The following PICALM variants were observed in gnomAD, a reference collection of about 807,000 sequenced individuals.
PICALM encodes the protein phosphatidylinositol binding clathrin assembly protein.
Under a neutral mutation model 80.5 loss-of-function variants are expected in PICALM, and 40 were observed. The observed-to-expected ratio is 0.50, with a 90% CI of 0.39 to 0.65. The LOEUF (loss-of-function observed/expected upper bound fraction) is 0.65, where lower values mean the gene tolerates loss of function less well. PICALM is among the 30% of genes least tolerant of loss of function. The probability of loss-of-function intolerance (pLI) is 0.00; values close to 1 mark genes in which losing one functional copy is unlikely to be tolerated. For missense variants in PICALM, 676 were observed against 778.9 expected (o/e 0.87, Z 1.57); for synonymous variants, 288 against 260.3 (o/e 1.11, Z -1.02).
At chr11:86,044,343 C>G (rs777191120) in intron 1 of PICALM, among the ~76,000 whole-genome samples, 8 of 152,174 alleles carry the variant, frequency 5.3e-5, no homozygotes, top group African/African-American at 7.2e-5. Context: ...CAACTACCAC[C>G]TTCCACATAG....
chr11:85,974,378 G>C (rs1220297261), intron 19 of PICALM: 2 of 497,500 alleles, frequency 4.0e-6, no homozygotes, highest in East Asian at 1.1e-4. Context: ...AAAGCTCTGA[G>C]TTAATGGTTT....
At chr11:86,012,222 A>G in intron 6 of PICALM, 59 bp downstream of exon 6, 5 of 887,694 alleles carry the variant, frequency 5.6e-6, no homozygotes, top group Non-Finnish European at 9.0e-6. Flanking sequence ...AACTCAGTCA[A>G]TATTGTTTAT....
intron 9 of PICALM, 25 bp from the exon 10 acceptor site, chr11:86,001,183 T>C (rs758215717): frequency 3.7e-6 from 6 of 1,609,294 alleles, no homozygotes; most frequent in South Asian, 1.1e-5. Context: ...CAGAGATAAT[T>C]TGGCTTTTTG....
At chr11:86,016,043 C>A (rs780421651) in intron 4 of PICALM, among the ~76,000 whole-genome samples, 2 of 152,224 alleles carry the variant, frequency 1.3e-5, no homozygotes, top group Non-Finnish European at 2.9e-5. Context: ...CCTGTTTCCG[C>A]TCAAGTGCTA....
At chr11:86,000,967 C>T (rs2095126546) in intron 10 of PICALM, 68 bp downstream of exon 10, 2 of 1,576,642 alleles carry the variant, frequency 1.3e-6, no homozygotes, top group African/African-American at 2.7e-5. Context: ...TAAGTCTGTG[C>T]AGAGGCCCCA....
chr11:86,032,515 A>C (rs2095771989), intron 1 of PICALM, among the ~76,000 whole-genome samples: 1 of 152,102 alleles, frequency 6.6e-6, no homozygotes, highest in Non-Finnish European at 1.5e-5. Context: ...AATCCCAGCT[A>C]CTCAGGAGGC....
intron 19 of PICALM, among the ~76,000 whole-genome samples, chr11:85,969,376 G>T (rs2094021729): frequency 6.6e-6 from 1 of 152,114 alleles, no homozygotes; most frequent in South Asian, 2.1e-4. Context: ...AGAATTTTGG[G>T]AACAGCTGTA....
At chr11:86,041,629 A>C (rs1435008409) in intron 1 of PICALM, among the ~76,000 whole-genome samples, 1 of 152,232 alleles carries the variant, frequency 6.6e-6, no homozygotes, top group Non-Finnish European at 1.5e-5. Flanking sequence ...TAGCCTCTTA[A>C]GTCATGGCTG....
chr11:86,017,496 G>C lies in PICALM; in HGVS notation c.453-2533C>G, dbSNP rs143054123. Among the ~76,000 whole-genome samples, 809 of 152,156 alleles carry C rather than the reference G, an allele frequency of 5.3e-3. 11 individuals carry two copies. The highest frequency in any genetic ancestry group is 0.018 in the African/African-American group (760 of 41,502). ...AATTTATTTTCCTAATATACAAAAA[G>C]TTCATTTGTTGAGTGTTTGTTATGT... On this transcript the variant is annotated intron_variant, in intron 4 of 19. Coordinates refer to ENST00000393346, the MANE Select transcript of PICALM (RefSeq NM_007166.4).
At chr11:85,998,148 G>C (rs938602988) in intron 11 of PICALM, among the ~76,000 whole-genome samples, 1 of 151,524 alleles carries the variant, frequency 6.6e-6, no homozygotes, top group South Asian at 2.1e-4. Flanking sequence ...GTCTCGCTCC[G>C]TCGCCCAGGC....
At chr11:86,024,632 T>C (rs116373991) in intron 3 of PICALM, among the ~76,000 whole-genome samples, 748 of 152,256 alleles carry the variant, frequency 4.9e-3, no homozygotes, top group Non-Finnish European at 5.5e-3. Context: ...TACTGCATTA[T>C]AAAATTCCAA....
chr11:86,027,511 T>C (rs2136660943), intron 2 of PICALM, among the ~76,000 whole-genome samples: 1 of 151,958 alleles, frequency 6.6e-6, no homozygotes, highest in Admixed American at 6.6e-5. Context: ...TTTTTTTTTT[T>C]TTTTGAGACA....
rs1243045206 is a variant in PICALM at position 85,958,158 on chromosome 11, C to A, written c.*888G>T. ...AAATAATGACATGCCAAGCACAAAG[C>A]AGTAAAGATCCTTCCCAATGCACTA... On this transcript the variant is annotated 3_prime_UTR_variant, in exon 20 of 20. Coordinates refer to ENST00000393346, the MANE Select transcript of PICALM (RefSeq NM_007166.4). 2 of 225,176 alleles carry A rather than the reference C, an allele frequency of 8.9e-6. No homozygotes were observed. The highest frequency in any genetic ancestry group is 1.8e-5 in the Non-Finnish European group (2 of 112,636). The allele number at this position is 225,176 out of a possible 1,614,324, so 13.9% of individuals were successfully genotyped here.
chr11:86,037,140 T>G (rs2095855755), intron 1 of PICALM, among the ~76,000 whole-genome samples: 2 of 150,958 alleles, frequency 1.3e-5, no homozygotes, highest in Non-Finnish European at 1.5e-5. Context: ...GAGACAGGGT[T>G]TCACCATGTT....
chr11:85,993,147 A>G (rs1431487348), intron 12 of PICALM, among the ~76,000 whole-genome samples: 2 of 150,778 alleles, frequency 1.3e-5, no homozygotes, highest in Non-Finnish European at 2.9e-5. Flanking sequence ...ATGCAATGGC[A>G]TAATCATAGC....
chr11:86,032,561 G>A (rs2095773554), intron 1 of PICALM, among the ~76,000 whole-genome samples: 1 of 152,152 alleles, frequency 6.6e-6, no homozygotes. Context: ...GGGAGGCGGA[G>A]GTTGCAGTGA....
Position 86,037,548 on chromosome 11 carries a change from G to A in PICALM, c.131-5937C>T, listed in dbSNP as rs1285037166. Among the ~76,000 whole-genome samples, 33 of 149,968 alleles carry A rather than the reference G, an allele frequency of 2.2e-4. No individual in the cohort carries two copies. The East Asian group carries it at 4.3e-3, about 20-fold the overall frequency. Reference sequence around the variant, plus strand: ...GCTGGGATTACAGGCGTGAGCCACCGCACCCAGCTCCCTAGTTTTTTTTTT... The same window carrying A: ...GCTGGGATTACAGGCGTGAGCCACCACACCCAGCTCCCTAGTTTTTTTTTT... On this transcript the variant is annotated intron_variant, in intron 1 of 19. Coordinates refer to ENST00000393346, the MANE Select transcript of PICALM (RefSeq NM_007166.4).
intron 19 of PICALM, among the ~76,000 whole-genome samples, chr11:85,962,215 C>T (rs915075888): frequency 6.6e-6 from 1 of 152,128 alleles, no homozygotes; most frequent in East Asian, 1.9e-4. Context: ...CCCTCTTCAG[C>T]GCAACCACGG....
intron 1 of PICALM, among the ~76,000 whole-genome samples, chr11:86,052,743 AG>A (rs2096210338): frequency 6.6e-6 from 1 of 152,232 alleles, no homozygotes; most frequent in African/African-American, 2.4e-5. Flanking sequence ...GACCTACAGT[AG>A]CCAAAAAGCT....
Sources: allele counts gnomAD v4.1 joint callset (sites outside exome capture counted in the v4.1 genomes callset), GRCh38; gene constraint gnomAD v4.1.1; transcripts MANE v1.5; gene names NCBI Gene and HGNC (gene_info 2026-07-23, HGNC 2026-07-21).